The following CPA6 variants were observed in gnomAD, a reference collection of about 807,000 sequenced individuals.
CPA6 encodes the protein carboxypeptidase A6, also known as carboxypeptidase B.
A neutral mutation model predicts 63.3 loss-of-function variants in CPA6; 58 were observed. The observed-to-expected ratio is 0.92, with a 90% CI of 0.74 to 1.14. CPA6 has a LOEUF of 1.14. Among genes scored for constraint, CPA6 ranks in the 50% most tolerant of loss-of-function variants. The pLI, the probability that CPA6 is intolerant of heterozygous loss-of-function variation, is 0.00. For missense variants in CPA6, 565 were observed against 526.6 expected (o/e 1.07, Z -0.71); for synonymous variants, 185 against 179.0 (o/e 1.03, Z -0.27).
chr8:67,728,879 A>C (rs909790491), intron 1 of CPA6, among the ~76,000 whole-genome samples: 2 of 152,208 alleles, frequency 1.3e-5, no homozygotes, highest in African/African-American at 4.8e-5. Context: ...TTTTGCATGG[A>C]TTCTCTAACC....
chr8:67,458,807 C>T (rs1306646947), intron 8 of CPA6, among the ~76,000 whole-genome samples: 6 of 152,182 alleles, frequency 3.9e-5, no homozygotes, highest in Non-Finnish European at 1.5e-5. Flanking sequence ...TGCCCCACAT[C>T]ATATGTCATC....
chr8:67,665,744 A>G (rs1173992136), intron 1 of CPA6, among the ~76,000 whole-genome samples: 1 of 152,202 alleles, frequency 6.6e-6, no homozygotes, highest in Non-Finnish European at 1.5e-5. Context: ...TGCAGGCAAT[A>G]AAGTTTGAGC....
At chr8:67,529,443 A>G (rs1760109269) in intron 2 of CPA6, among the ~76,000 whole-genome samples, 1 of 152,200 alleles carries the variant, frequency 6.6e-6, no homozygotes, top group South Asian at 2.1e-4. Flanking sequence ...ACTGAGGAGT[A>G]TGGAAGGTAA....
At chr8:67,696,041 A>C (rs1184990761) in intron 1 of CPA6, among the ~76,000 whole-genome samples, 1 of 152,166 alleles carries the variant, frequency 6.6e-6, no homozygotes, top group African/African-American at 2.4e-5. Context: ...GGTGCCTCTG[A>C]ATCAACAGGC....
At chr8:67,551,564 G>A (rs547612530) in intron 2 of CPA6, among the ~76,000 whole-genome samples, 5 of 152,246 alleles carry the variant, frequency 3.3e-5, no homozygotes, top group East Asian at 1.9e-4. Flanking sequence ...GAAAAATGAC[G>A]TTGGCTGTTT....
At chr8:67,515,095 C>T (rs561570591) in intron 3 of CPA6, among the ~76,000 whole-genome samples, 2 of 152,274 alleles carry the variant, frequency 1.3e-5, no homozygotes, top group East Asian at 1.9e-4. Flanking sequence ...CATCAGCCCA[C>T]CCCAGGCCCT....
intron 1 of CPA6, among the ~76,000 whole-genome samples, chr8:67,729,603 A>C (rs1323740571): frequency 6.6e-6 from 1 of 152,230 alleles, no homozygotes; most frequent in East Asian, 1.9e-4. Flanking sequence ...GCTACTGCAG[A>C]GCATTCTGAG....
intron 2 of CPA6, among the ~76,000 whole-genome samples, chr8:67,612,473 C>T (rs1814836529): frequency 6.6e-6 from 1 of 152,182 alleles, no homozygotes; most frequent in South Asian, 2.1e-4. Flanking sequence ...GCTTCATGCT[C>T]TCTGTACCTT....
chr8:67,426,374 G>A (rs1462340993), intron 10 of CPA6, among the ~76,000 whole-genome samples: 1 of 151,872 alleles, frequency 6.6e-6, no homozygotes, highest in South Asian at 2.1e-4. Context: ...ATTAAAAAAC[G>A]TTAATGTTTA....
At chr8:67,525,840 G>A (rs371836473) in intron 2 of CPA6, among the ~76,000 whole-genome samples, 7 of 152,298 alleles carry the variant, frequency 4.6e-5, no homozygotes, top group African/African-American at 1.7e-4. Flanking sequence ...CAGAACATGA[G>A]TGTGAAATAA....
intron 8 of CPA6, among the ~76,000 whole-genome samples, chr8:67,455,313 G>A (rs1032962306): frequency 6.6e-6 from 1 of 152,094 alleles, no homozygotes; most frequent in Non-Finnish European, 1.5e-5. Context: ...AACCAAATCC[G>A]TGGTTCTCAT....
chr8:67,428,287 A>T (rs933559134), intron 9 of CPA6, among the ~76,000 whole-genome samples, 156 bp from the exon 10 acceptor site: 1 of 152,180 alleles, frequency 6.6e-6, no homozygotes, highest in African/African-American at 2.4e-5. Context: ...GTCACACGCT[A>T]CATTTTGCAA....
chr8:67,591,373 T>C (rs1320583471), intron 2 of CPA6, among the ~76,000 whole-genome samples: 1 of 152,166 alleles, frequency 6.6e-6, no homozygotes, highest in African/African-American at 2.4e-5. Flanking sequence ...ATGTGGGCTC[T>C]TTTTTGGTTC....
At chr8:67,491,702 A>G (rs987050501) in intron 6 of CPA6, among the ~76,000 whole-genome samples, 1 of 152,146 alleles carries the variant, frequency 6.6e-6, no homozygotes, top group African/African-American at 2.4e-5. Flanking sequence ...ATCTGTAAGG[A>G]TATTTTACCT....
At position 67,746,274 on chromosome 8, in the gene CPA6, C is replaced by T; in HGVS notation, c.-145G>A. 2 of 504,572 alleles carry T rather than the reference C, an allele frequency of 4.0e-6. No homozygotes were observed. Among genetic ancestry groups the T allele is most frequent in the Middle Eastern group, 4.8e-4 (1 of 2,070 alleles). The allele number at this position is 504,572 out of a possible 1,614,324, so 31.3% of individuals were successfully genotyped here. A position where few individuals can be genotyped will look rare whatever the true frequency, so the allele number is the denominator to read the frequency against. On this transcript the variant is annotated 5_prime_UTR_variant, in exon 1 of 11. Coordinates refer to ENST00000297770, the MANE Select transcript of CPA6 (RefSeq NM_020361.5). Reference sequence around the variant, plus strand: ...AGAGTGAGCAAAATGTGACACTTCTCTCCAGCTACAAGGGAAAAAAAAAGT... The same window carrying T: ...AGAGTGAGCAAAATGTGACACTTCTTTCCAGCTACAAGGGAAAAAAAAAGT...
rs561347316 is a variant in CPA6, at chr8:67,427,586, T to C, written c.1126+461A>G. ...TCCATGTAAAAAAAAGAAATACTTT[T>C]ACATCATCTTTTAAGGGATAATTCA... On this transcript the variant is annotated intron_variant, in intron 10 of 10. Coordinates refer to ENST00000297770, the MANE Select transcript of CPA6 (RefSeq NM_020361.5). 3.3e-5 allele frequency among the ~76,000 whole-genome samples: 5 copies of C among 152,334 alleles called. No individual in the cohort carries two copies. In the South Asian group the frequency reaches 6.2e-4, roughly 19 times the overall value.
In CPA6 at chr8:67,483,864, C is replaced by A; in HGVS notation, c.748-6G>T. The A allele has an allele frequency of 6.2e-7, 1 of 1,611,230 alleles. No individual in the cohort carries two copies. Among genetic ancestry groups the A allele is most frequent in the Non-Finnish European group, 8.5e-7 (1 of 1,177,438 alleles). ...GTTTTTCTCCAAAATCGATCCTAGA[C>A]ATAATTAAGAAAACAGGTGCTGAGA... is the stretch of plus-strand genomic sequence containing the variant. On this transcript the variant is annotated splice_polypyrimidine_tract_variant and splice_region_variant and intron_variant, in intron 7 of 10. Coordinates refer to ENST00000297770, the MANE Select transcript of CPA6 (RefSeq NM_020361.5).
At chr8:67,470,527 A>G (rs1268438558) in intron 8 of CPA6, among the ~76,000 whole-genome samples, 3 of 152,010 alleles carry the variant, frequency 2.0e-5, no homozygotes, top group Non-Finnish European at 4.4e-5. Flanking sequence ...ATGTTTGTTT[A>G]TTTTCATGAA....
intron 2 of CPA6, among the ~76,000 whole-genome samples, chr8:67,595,853 C>T (rs889888715): frequency 3.9e-5 from 6 of 152,198 alleles, no homozygotes; most frequent in Admixed American, 2.0e-4. Context: ...GGCAATGCCT[C>T]GCCCTGCTTC....
Sources: allele counts gnomAD v4.1 joint callset (sites outside exome capture counted in the v4.1 genomes callset), GRCh38; gene constraint gnomAD v4.1.1; transcripts MANE v1.5; gene names NCBI Gene and HGNC (gene_info 2026-07-23, HGNC 2026-07-21).